The following PAK1 variants were observed in gnomAD, a reference collection of about 807,000 sequenced individuals.
The protein encoded by PAK1 is p21 (RAC1) activated kinase 1.
A neutral mutation model predicts 67.4 loss-of-function variants in PAK1; 29 were observed. The observed-to-expected ratio is 0.43, with a 90% CI of 0.32 to 0.59. The LOEUF (loss-of-function observed/expected upper bound fraction) is 0.59. PAK1 is among the 20% of genes least tolerant of loss of function. The pLI, the probability that PAK1 is intolerant of heterozygous loss-of-function variation, is 0.07. For missense variants in PAK1, 337 were observed against 670.7 expected, an observed-to-expected ratio of 0.50 and a Z score of 5.50; for synonymous variants, 223 against 237.4, an observed-to-expected ratio of 0.94 and a Z score of 0.56.
Position 77,422,393 on chromosome 11 carries a change from G to A in PAK1, c.-21-29852C>T, listed in dbSNP as rs181928757. Among the ~76,000 whole-genome samples the A allele has an allele frequency of 4.0e-5, 6 of 151,864 alleles. No homozygotes were observed. The East Asian group carries it at 7.8e-4, about 20-fold the overall frequency. ...CCGGCTAACATGGTGAAATCCCATC[G>A]CTACTAAAAATACAAAACTTAGCCA... On this transcript the variant is annotated intron_variant, in intron 1 of 14. Transcript: ENST00000356341.
the PAK1 span, among the ~76,000 whole-genome samples, chr11:77,501,311 T>G: frequency 6.6e-6 from 1 of 152,310 alleles, no homozygotes; most frequent in African/African-American, 2.4e-5. Flanking sequence ...GACCACTATC[T>G]GCCAGAGGGG....
the PAK1 span, among the ~76,000 whole-genome samples, chr11:77,489,390 C>T: frequency 8.8e-5 from 10 of 114,030 alleles, no homozygotes; most frequent in African/African-American, 2.1e-4. Flanking sequence ...CCCCTCCCTC[C>T]TCTCTCCTCT....
intron 14 of PAK1, among the ~76,000 whole-genome samples, chr11:77,324,875 C>T (rs1939408854): frequency 6.6e-6 from 1 of 151,920 alleles, no homozygotes; most frequent in Non-Finnish European, 1.5e-5. Context: ...TCTGTTGGGA[C>T]AGAGATAGTA....
At chr11:77,368,774 G>A (rs1565625069) in intron 5 of PAK1, among the ~76,000 whole-genome samples, 3 of 151,814 alleles carry the variant, frequency 2.0e-5, no homozygotes, top group South Asian at 4.2e-4. Flanking sequence ...CTTTTGCCTC[G>A]GCCTCCTGAG....
At chr11:77,402,114 C>T (rs748110490) in intron 1 of PAK1, among the ~76,000 whole-genome samples, 2 of 152,126 alleles carry the variant, frequency 1.3e-5, no homozygotes, top group African/African-American at 2.4e-5. Context: ...CCTAAGATCA[C>T]TAAATGAAAG....
chr11:77,353,726 T>C (rs1945607797), intron 7 of PAK1, 127 bp from the exon 8 acceptor site: 1 of 698,226 alleles, frequency 1.4e-6, no homozygotes, highest in South Asian at 1.7e-5. Context: ...AAAAGCATGC[T>C]AAACAGGCCC....
intron 1 of PAK1, among the ~76,000 whole-genome samples, chr11:77,455,122 G>A (rs533280972): frequency 2.6e-5 from 4 of 152,044 alleles, no homozygotes; most frequent in Non-Finnish European, 2.9e-5. Flanking sequence ...TGATAAAAAC[G>A]TCAACATGAT....
chr11:77,347,035 A>C (rs1425698995), intron 9 of PAK1: 2 of 456,156 alleles, frequency 4.4e-6, no homozygotes, highest in African/African-American at 4.0e-5. Flanking sequence ...AAGAACTCAC[A>C]AAGACTGAGA....
rs544938658 is a variant in PAK1 at position 77,386,772 on chromosome 11, T to C, written c.190+5559A>G. On this transcript the variant is annotated intron_variant, in intron 2 of 14. Coordinates refer to ENST00000356341, the MANE Select transcript of PAK1 (RefSeq NM_002576.5). The stretch of plus-strand genomic sequence containing the variant: ...GGTGGAATGCAGGTATCAGTATTAA[T>C]TAATTAATTAATTATTTTTGAGACA... 9.2e-5 allele frequency among the ~76,000 whole-genome samples: 14 copies of C among 151,622 alleles called. No homozygotes were observed. The East Asian group carries it at 2.5e-3, about 27-fold the overall frequency.
intron 1 of PAK1, among the ~76,000 whole-genome samples, chr11:77,406,049 C>T (rs1366016193): frequency 6.6e-6 from 1 of 152,192 alleles, no homozygotes; most frequent in South Asian, 2.1e-4. Flanking sequence ...CTGTCTACTC[C>T]TACCTCGTTT....
chr11:77,505,402 G>A, the PAK1 span, among the ~76,000 whole-genome samples: 2 of 152,286 alleles, frequency 1.3e-5, no homozygotes, highest in East Asian at 3.9e-4. Flanking sequence ...TGGCCAGGCT[G>A]CTCTCAAACT....
intron 14 of PAK1, among the ~76,000 whole-genome samples, chr11:77,324,227 C>T (rs1219560707): frequency 7.1e-6 from 1 of 140,552 alleles, no homozygotes; most frequent in East Asian, 2.1e-4. Flanking sequence ...GGCTGGAGTG[C>T]AGTGGTGCGG....
rs2136587390 is a variant in PAK1, at chr11:77,358,950, T to C, written c.545A>G (p.Asp182Gly). The C allele has an allele frequency of 6.2e-7, 1 of 1,613,100 alleles. No individual in the cohort carries two copies. Among genetic ancestry groups the C allele is most frequent in the Non-Finnish European group, 8.5e-7 (1 of 1,179,164 alleles). ...AATCACTGGTGGTGGGGTAGCATCA[T>C]CATCATCATCATCCTCATCTTCTGA... The part of the protein sequence containing the change: ...PVSEDEDDDD[D>G]DATPPPVIAP... The change falls in exon 6 of 15, where the codon GAT becomes GGT. Residue 182 changes from aspartate to glycine, a missense_variant. Around this residue, in one of 8 missense-constraint regions of PAK1, gnomAD observed 150 missense variants for 179.0 expected, o/e 0.84. Transcript: ENST00000356341.
chr11:77,331,782 A>G (rs1422377055), intron 14 of PAK1, among the ~76,000 whole-genome samples: 6 of 151,312 alleles, frequency 4.0e-5, no homozygotes, highest in African/African-American at 1.5e-4. Context: ...ACTTAAAAGT[A>G]TAATAATAAT....
intron 4 of PAK1, among the ~76,000 whole-genome samples, chr11:77,377,922 G>A (rs1034591493): frequency 2.6e-5 from 4 of 152,170 alleles, no homozygotes; most frequent in Non-Finnish European, 2.9e-5. Flanking sequence ...CAGACTCAGC[G>A]GGGCCAGACG....
At chr11:77,470,813 T>G (rs550517223) in intron 1 of PAK1, among the ~76,000 whole-genome samples, 1 of 152,304 alleles carries the variant, frequency 6.6e-6, no homozygotes, top group African/African-American at 2.4e-5. Context: ...AATCCTGGCT[T>G]GGAATATTGC....
the PAK1 span, among the ~76,000 whole-genome samples, chr11:77,504,962 T>C: frequency 1.3e-5 from 2 of 152,250 alleles, no homozygotes; most frequent in Non-Finnish European, 2.9e-5. Flanking sequence ...AAAAGTCAGA[T>C]ACTTGCCACC....
In PAK1 at chr11:77,399,634, C is replaced by T. The variant is rs555140742; in HGVS notation, c.-21-7093G>A. Among the ~76,000 whole-genome samples the T allele has an allele frequency of 6.6e-5, 10 of 151,784 alleles. No homozygotes were observed. In the East Asian group the frequency reaches 1.7e-3, roughly 26 times the overall value. ...CAGCACTTTGGGAGGCCGAGGCTGG[C>T]GGATCACGAGGTCAGGAGATCGAGA... On this transcript the variant is annotated intron_variant, in intron 1 of 14. Transcript: ENST00000356341.
At chr11:77,491,108 C>A in the PAK1 span, among the ~76,000 whole-genome samples, 1 of 138,492 alleles carries the variant, frequency 7.2e-6, no homozygotes. Flanking sequence ...CTGTGAGAAA[C>A]ACCCAAGAAT....
Sources: allele counts gnomAD v4.1 joint callset (sites outside exome capture counted in the v4.1 genomes callset), GRCh38; gene constraint gnomAD v4.1.1; regional missense constraint gnomAD v4.1.1; transcripts MANE v1.5; gene names NCBI Gene and HGNC (gene_info 2026-07-23, HGNC 2026-07-21).